The following ARHGEF18 variants were observed in gnomAD, a reference collection of about 807,000 sequenced individuals.
ARHGEF18 encodes Rho/Rac guanine nucleotide exchange factor 18.
ARHGEF18 carries 93 observed loss-of-function variants against 155.7 expected under a neutral mutation model. That is an observed-to-expected ratio of 0.60 (90% CI 0.50 to 0.71). The LOEUF (loss-of-function observed/expected upper bound fraction) is 0.71. Ranked by LOEUF, ARHGEF18 falls within the 30% of genes least tolerant of loss-of-function variation. The pLI, the probability that ARHGEF18 is intolerant of heterozygous loss-of-function variation, is 0.00. For missense variants in ARHGEF18, 1,593 were observed against 1,816.1 expected (o/e 0.88, Z 2.23); for synonymous variants, 742 against 753.1 (o/e 0.99, Z 0.24).
chr19:7,398,873 C>T (rs763099960), intron 10 of ARHGEF18, among the ~76,000 whole-genome samples: 6 of 152,198 alleles, frequency 3.9e-5, no homozygotes, highest in Non-Finnish European at 8.8e-5. Context: ...GGCTTCAAGG[C>T]CATTGCCCTT....
At chr19:7,473,703 G>A (rs557620525), downstream of ARHGEF18, among the ~76,000 whole-genome samples, 9 of 150,984 alleles carry the variant, frequency 6.0e-5, no homozygotes, top group African/African-American at 1.7e-4. Flanking sequence ...CCAGCTACTC[G>A]GGAGGCTGAA....
intron 10 of ARHGEF18, among the ~76,000 whole-genome samples, chr19:7,407,432 A>C (rs577090271): frequency 6.6e-6 from 1 of 151,818 alleles, no homozygotes; most frequent in East Asian, 1.9e-4. Context: ...TCTCAAAAAA[A>C]AAAAAAAAGA....
intron 2 of ARHGEF18, among the ~76,000 whole-genome samples, chr19:7,368,159 CAACA>C (rs1459259840): frequency 1.3e-5 from 2 of 151,720 alleles, no homozygotes; most frequent in African/African-American, 4.8e-5. Flanking sequence ...TATCTTTTTC[CAACA>C]GACAACAAGA....
At position 7,470,261 on chromosome 19, in the gene ARHGEF18, A is replaced by G. The variant is rs1319069981; in HGVS notation, c.4049A>G (p.Lys1350Arg). Residue 1350 changes from lysine (K) to arginine (R), a missense_variant, in exon 29 of 29, where the codon AAG becomes AGG. Lys to Arg is a conservative substitution (Grantham distance 26, BLOSUM62 2). Coordinates refer to ENST00000668164, the MANE Select transcript of ARHGEF18 (RefSeq NM_001367823.1). This position sits in a 1 kb window ranked among gnomAD's most constrained non-coding sequence, Gnocchi z 5.9. ...SPLPATPLSA[K>R]EDASKEDVIF... ...CTGCCGGCCACACCACTCAGCGCCA[A>G]GGAGGACGCCAGCAAAGAAGACGTC... 5.7e-6 allele frequency: 9 copies of G among 1,573,378 alleles called. No individual in the cohort carries two copies. The highest frequency in any genetic ancestry group is 7.7e-6 in the Non-Finnish European group (9 of 1,161,804).
chr19:7,380,983 A>T lies in ARHGEF18; in HGVS notation c.711A>T (p.Glu237Asp). The part of the protein sequence containing the change: ...GGAHSNLTWF[E>D]FLSESEDGAG... The stretch of plus-strand genomic sequence containing the variant: ...CCCACTCGAACCTGACCTGGTTTGA[A>T]TTCCTGTCGGAGTAAGTACACAGAT... The change falls in exon 8 of 29, where the codon GAA (glutamate) becomes GAT (aspartate). Residue 237 changes from glutamate to aspartate, a missense_variant. Glu to Asp is a conservative substitution (Grantham distance 45). Coordinates refer to ENST00000668164, the MANE Select transcript of ARHGEF18 (RefSeq NM_001367823.1). The T allele has an allele frequency of 8.1e-7, 1 of 1,232,204 alleles. No individual in the cohort carries two copies. 76.3% of individuals were successfully genotyped at this position (1,232,204 alleles called of 1,614,324 possible).
At chr19:7,374,566 TA>T (rs1970345871) in intron 3 of ARHGEF18, among the ~76,000 whole-genome samples, 1 of 151,810 alleles carries the variant, frequency 6.6e-6, no homozygotes, top group South Asian at 2.1e-4. Flanking sequence ...TAGTCCCAGC[TA>T]CTCGGTAGGC....
Position 7,356,333 on chromosome 19 carries a change from C to T in ARHGEF18, c.-110-6448C>T, listed in dbSNP as rs547779761. ...TCGCCGAGGCTGGAGTGCAGTGGCG[C>T]GATCTCAGCTCATTACTGCAAACTC... On this transcript the variant is annotated intron_variant, in intron 1 of 28. Transcript: ENST00000668164. 5.4e-3 allele frequency among the ~76,000 whole-genome samples: 814 copies of T among 150,584 alleles called. 3 individuals are homozygous for T. Among genetic ancestry groups the T allele is most frequent in the Non-Finnish European group, 7.8e-3 (527 of 67,736 alleles).
At chr19:7,445,487 G>A (rs926803555) in intron 14 of ARHGEF18, among the ~76,000 whole-genome samples, 7 of 152,094 alleles carry the variant, frequency 4.6e-5, no homozygotes, top group Non-Finnish European at 7.4e-5. Context: ...AGCACCAACC[G>A]TGGTAGTGGT....
Position 7,464,823 on chromosome 19 carries a change from A to G in ARHGEF18, c.2904+133A>G, listed in dbSNP as rs1976516904. 8 of 1,270,640 alleles carry G rather than the reference A, an allele frequency of 6.3e-6. No individual in the cohort carries two copies. The Admixed American group carries it at 1.9e-4, about 30-fold the overall frequency. The allele number at this position is 1,270,640 out of a possible 1,614,324, so 78.7% of individuals were successfully genotyped here. On this transcript the variant is annotated intron_variant, in intron 23 of 28. Coordinates refer to ENST00000668164, the MANE Select transcript of ARHGEF18 (RefSeq NM_001367823.1). ...AGCATTGTTTGTTTTGTGGTGAATA[A>G]CAGTATCTCAGCCCAGATTAATGCA...
At chr19:7,360,070 G>A (rs1043636364) in intron 1 of ARHGEF18, among the ~76,000 whole-genome samples, 4 of 152,002 alleles carry the variant, frequency 2.6e-5, no homozygotes, top group Non-Finnish European at 4.4e-5. Flanking sequence ...CAGGAGAATC[G>A]CTTGTACCCA....
At chr19:7,407,956 C>T (rs1178062360) in intron 10 of ARHGEF18, among the ~76,000 whole-genome samples, 2 of 102,258 alleles carry the variant, frequency 2.0e-5, no homozygotes, top group African/African-American at 6.6e-5. Context: ...AGCGAGACTC[C>T]GTCTCAAAAA....
chr19:7,400,805 A>G (rs1971990184), intron 10 of ARHGEF18, among the ~76,000 whole-genome samples: 1 of 152,154 alleles, frequency 6.6e-6, no homozygotes. Flanking sequence ...ACTGCACTCT[A>G]GCCTTGGCAA....
At chr19:7,451,577 A>AT (rs1052166833) in intron 16 of ARHGEF18, among the ~76,000 whole-genome samples, 4 of 150,712 alleles carry the variant, frequency 2.7e-5, no homozygotes, top group African/African-American at 9.8e-5. Context: ...CACACAGTTA[A>AT]TTTTTTTTAA....
Position 7,424,479 on chromosome 19 carries a change from T to C in ARHGEF18, c.968-15865T>C, listed in dbSNP as rs114530524. On this transcript the variant is annotated intron_variant, in intron 10 of 28. Coordinates refer to ENST00000668164, the MANE Select transcript of ARHGEF18 (RefSeq NM_001367823.1). ...TCTCACGGAGGCTCTTGTATGAAATTGGAATGCCTCGAATGTCTAACAGCA... is the reference window on the plus strand; with the variant it reads ...TCTCACGGAGGCTCTTGTATGAAATCGGAATGCCTCGAATGTCTAACAGCA... Among the ~76,000 whole-genome samples, 211 of 152,268 alleles carry C rather than the reference T, an allele frequency of 1.4e-3. 1 individual carries two copies. Among genetic ancestry groups the C allele is most frequent in the Middle Eastern group, 6.8e-3 (2 of 294 alleles).
In ARHGEF18 at chr19:7,462,268, T is replaced by A. The variant is rs767204598; in HGVS notation, c.2569T>A (p.Phe857Ile). ...LEDLPQPRGLFRGGDPSETLQ... is the reference protein window; with the variant it reads ...LEDLPQPRGLIRGGDPSETLQ... The stretch of plus-strand genomic sequence containing the variant: ...AGACCTGCCCCAGCCCCGAGGCCTA[T>A]TCCGTGGAGGGGACCCATCCGAGAC... Residue 857 changes from phenylalanine to isoleucine, a missense_variant, in exon 21 of 29, where the codon TTC becomes ATC. Physicochemically the swap from Phe to Ile is conservative, Grantham distance 21 (BLOSUM62 0). Transcript: ENST00000668164. The surrounding 1 kb of genome is among the most constrained non-coding windows in gnomAD (Gnocchi z 4.4). 80 of 1,613,532 alleles carry A rather than the reference T, an allele frequency of 5.0e-5. No individual in the cohort carries two copies. Among genetic ancestry groups the A allele is most frequent in the Non-Finnish European group, 6.7e-5 (79 of 1,179,920 alleles).
intron 10 of ARHGEF18, among the ~76,000 whole-genome samples, chr19:7,391,417 GT>G (rs1971394134): frequency 6.6e-6 from 1 of 152,142 alleles, no homozygotes; most frequent in South Asian, 2.1e-4. Flanking sequence ...AGACAGTCCT[GT>G]TCCTGGCCTT....
At chr19:7,360,725 C>T (rs924996130) in intron 1 of ARHGEF18, among the ~76,000 whole-genome samples, 2 of 152,198 alleles carry the variant, frequency 1.3e-5, no homozygotes, top group Admixed American at 6.6e-5. Context: ...TGCCTTTCCC[C>T]TCCCAAGCTC....
intron 10 of ARHGEF18, chr19:7,383,406 C>A (rs890114341): frequency 4.4e-6 from 2 of 450,694 alleles, no homozygotes; most frequent in South Asian, 1.1e-4. Flanking sequence ...GCAACAGTCC[C>A]TTTAAGTCTC....
At chr19:7,389,227 T>C (rs1971253215) in intron 10 of ARHGEF18, among the ~76,000 whole-genome samples, 1 of 149,184 alleles carries the variant, frequency 6.7e-6, no homozygotes, top group Non-Finnish European at 1.5e-5. Context: ...CTTGGTTCAC[T>C]ACAACCTCTG....
Sources: allele counts gnomAD v4.1 joint callset (sites outside exome capture counted in the v4.1 genomes callset), GRCh38; gene constraint gnomAD v4.1.1; non-coding constraint Gnocchi (gnomAD v3.1); transcripts MANE v1.5; gene names NCBI Gene and HGNC (gene_info 2026-07-23, HGNC 2026-07-21).